Variants in CNTN3 observed in about 807,000 individuals in gnomAD.
CNTN3 encodes contactin-3.
Under a neutral mutation model 119.1 loss-of-function variants are expected in CNTN3, and 60 were observed. The observed-to-expected ratio is 0.50, with a 90% CI of 0.41 to 0.62. The LOEUF is 0.62. CNTN3 is among the 20% of genes least tolerant of loss of function. CNTN3 has a pLI of 0.00. For missense variants in CNTN3, 1,101 were observed against 1,242.4 expected (o/e 0.89, Z 1.71); for synonymous variants, 450 against 438.7 (o/e 1.03, Z -0.32).
At chr3:74,532,174 A>G (rs1452883421) in intron 1 of CNTN3, among the ~76,000 whole-genome samples, 1 of 152,000 alleles carries the variant, frequency 6.6e-6, no homozygotes, top group African/African-American at 2.4e-5. Flanking sequence ...TGTGTGAATA[A>G]TGGGTGAAGA....
At chr3:74,346,481 G>A (rs2634153) in intron 11 of CNTN3, among the ~76,000 whole-genome samples, 16,703 of 152,002 alleles carry the variant, frequency 0.11, 2,906 homozygotes, top group African/African-American at 0.37. Flanking sequence ...ATCTGCATTA[G>A]GACAGAATTG....
intron 4 of CNTN3, among the ~76,000 whole-genome samples, chr3:74,471,946 C>T (rs1348073081): frequency 6.6e-6 from 1 of 152,196 alleles, no homozygotes; most frequent in African/African-American, 2.4e-5. Flanking sequence ...GAGTCCGACA[C>T]ACAGAAAAGG....
intron 1 of CNTN3, among the ~76,000 whole-genome samples, chr3:74,584,576 T>C (rs1704564172): frequency 6.6e-6 from 1 of 152,076 alleles, no homozygotes; most frequent in Non-Finnish European, 1.5e-5. Context: ...GCACCATGCT[T>C]CTTGTACAGT....
intron 4 of CNTN3, among the ~76,000 whole-genome samples, chr3:74,485,315 CTTTAG>C (rs1452717459): frequency 6.6e-6 from 1 of 151,928 alleles, no homozygotes; most frequent in Non-Finnish European, 1.5e-5. Flanking sequence ...ATACAAAGTA[CTTTAG>C]TTAACTTAAG....
At chr3:74,517,386 G>A (rs1367604029) in intron 2 of CNTN3, among the ~76,000 whole-genome samples, 4 of 151,854 alleles carry the variant, frequency 2.6e-5, no homozygotes, top group Admixed American at 2.6e-4. Flanking sequence ...CCACTGCAAA[G>A]CCTTGGTGTG....
intron 4 of CNTN3, among the ~76,000 whole-genome samples, chr3:74,444,162 G>T (rs1190723374): frequency 6.6e-6 from 1 of 151,916 alleles, no homozygotes; most frequent in Non-Finnish European, 1.5e-5. Context: ...AATCACATTG[G>T]ATTAGTGGCC....
chr3:74,267,850 G>A (rs1298958088), intron 20 of CNTN3, among the ~76,000 whole-genome samples: 1 of 152,092 alleles, frequency 6.6e-6, no homozygotes, highest in Non-Finnish European at 1.5e-5. Context: ...GACGCATACA[G>A]AGGCTGGAAG....
At chr3:74,517,621 G>C (rs966997515) in intron 2 of CNTN3, among the ~76,000 whole-genome samples, 1 of 151,746 alleles carries the variant, frequency 6.6e-6, no homozygotes, top group Non-Finnish European at 1.5e-5. Context: ...AGCCTCAGTG[G>C]CTTTTCCTCA....
chr3:74,483,818 G>C (rs1186094185), intron 4 of CNTN3, among the ~76,000 whole-genome samples: 1 of 151,998 alleles, frequency 6.6e-6, no homozygotes, highest in Admixed American at 6.6e-5. Flanking sequence ...CTCCTAAATA[G>C]ATTAAAATCC....
At chr3:74,474,501 T>C (rs1400890708) in intron 4 of CNTN3, among the ~76,000 whole-genome samples, 1 of 152,054 alleles carries the variant, frequency 6.6e-6, no homozygotes, top group Non-Finnish European at 1.5e-5. Context: ...GTCCCTTTTA[T>C]TATTATTTTT....
chr3:74,456,143 TG>T (rs1018281250), intron 4 of CNTN3, among the ~76,000 whole-genome samples: 4 of 152,094 alleles, frequency 2.6e-5, no homozygotes, highest in African/African-American at 9.7e-5. Context: ...AATTGCTGCT[TG>T]GAGACTTAGG....
In CNTN3 at chr3:74,542,402, A is replaced by G. The variant is rs1703855427; in HGVS notation, c.-80-21210T>C. The stretch of plus-strand genomic sequence containing the variant: ...CCTAGAAGCAACCTGCATAATTATA[A>G]GAAGATAAATCAGACTATTAAAATA... On this transcript the variant is annotated intron_variant, in intron 1 of 22. Coordinates refer to ENST00000263665, the MANE Select transcript of CNTN3 (RefSeq NM_020872.3). Among the ~76,000 whole-genome samples the G allele has an allele frequency of 2.0e-5, 3 of 152,146 alleles. No individual in the cohort carries two copies. In the South Asian group the frequency reaches 6.2e-4, roughly 32 times the overall value.
At chr3:74,446,376 G>A (rs558822781) in intron 4 of CNTN3, among the ~76,000 whole-genome samples, 2 of 152,280 alleles carry the variant, frequency 1.3e-5, no homozygotes, top group African/African-American at 4.8e-5. Context: ...GGTTTATTGA[G>A]ATTGACAGGG....
intron 2 of CNTN3, among the ~76,000 whole-genome samples, chr3:74,517,567 C>G (rs530350888): frequency 6.6e-6 from 1 of 151,846 alleles, no homozygotes; most frequent in African/African-American, 2.4e-5. Flanking sequence ...TTTCTTCCCC[C>G]CTTAAAGCCC....
chr3:74,601,583 G>C (rs1704911178), intron 1 of CNTN3, among the ~76,000 whole-genome samples: 1 of 152,064 alleles, frequency 6.6e-6, no homozygotes, highest in Non-Finnish European at 1.5e-5. Flanking sequence ...AAACTAGAGG[G>C]CATTTACAAT....
At position 74,450,484 on chromosome 3, in the gene CNTN3, T is replaced by C. The variant is rs1285567497; in HGVS notation, c.359-25544A>G. 4.2e-5 allele frequency among the ~76,000 whole-genome samples: 6 copies of C among 144,096 alleles called. No individual in the cohort carries two copies. In the East Asian group the frequency reaches 8.3e-4, roughly 20 times the overall value. The allele number at this position is 144,096 out of a possible 152,430, so 94.5% of individuals were successfully genotyped here. A position where few individuals can be genotyped will look rare whatever the true frequency, so the allele number is the denominator to read the frequency against. ...AACCTAAATGATTCTTGAAAGAATA[T>C]GGTTTATCTGAAGCCCTGTTTTTTT... On this transcript the variant is annotated intron_variant, in intron 4 of 22. Transcript: ENST00000263665.
chr3:74,471,433 T>A (rs1007072686), intron 4 of CNTN3, among the ~76,000 whole-genome samples: 8 of 152,202 alleles, frequency 5.3e-5, no homozygotes, highest in Non-Finnish European at 1.2e-4. Flanking sequence ...ATCGATTTCT[T>A]CCTTAAAAAT....
At chr3:74,440,781 A>T (rs1386211065) in intron 4 of CNTN3, among the ~76,000 whole-genome samples, 1 of 152,210 alleles carries the variant, frequency 6.6e-6, no homozygotes, top group African/African-American at 2.4e-5. Flanking sequence ...TTTAAGCCTC[A>T]TATGCATTAG....
intron 5 of CNTN3, among the ~76,000 whole-genome samples, chr3:74,418,165 G>A (rs1304533997): frequency 6.6e-6 from 1 of 152,032 alleles, no homozygotes; most frequent in East Asian, 1.9e-4. Context: ...ATGCAAATGT[G>A]ATGGGAGCCA....
Sources: allele counts gnomAD v4.1 joint callset (sites outside exome capture counted in the v4.1 genomes callset), GRCh38; gene constraint gnomAD v4.1.1; transcripts MANE v1.5; gene names NCBI Gene and HGNC (gene_info 2026-07-23, HGNC 2026-07-21).